The following IMMT variants were observed in gnomAD, a reference collection of about 807,000 sequenced individuals.
IMMT encodes the protein MICOS complex subunit MIC60.
IMMT carries 40 observed loss-of-function variants against 92.7 expected under a neutral mutation model. That is an observed-to-expected ratio of 0.43 (90% confidence interval 0.34 to 0.56). The LOEUF (loss-of-function observed/expected upper bound fraction) is 0.56. IMMT is among the 20% of genes least tolerant of loss of function. IMMT has a pLI of 0.03. For missense variants in IMMT, 831 were observed against 912.1 expected (o/e 0.91, Z 1.14); for synonymous variants, 322 against 336.1 (o/e 0.96, Z 0.46).
chr2:86,162,655 C>T (rs1676381022), intron 7 of IMMT, among the ~76,000 whole-genome samples: 2 of 152,002 alleles, frequency 1.3e-5, no homozygotes, highest in Admixed American at 1.3e-4. Context: ...ACCATCCTGG[C>T]TAACATGGTG....
chr2:86,147,966 T>TA (rs1675154892), intron 12 of IMMT, 133 bp from the exon 13 acceptor site: 1 of 747,582 alleles, frequency 1.3e-6, no homozygotes. Context: ...CAGGCATGTG[T>TA]ACACTTCTAC....
chr2:86,170,252 T>C (rs930953706), intron 6 of IMMT, among the ~76,000 whole-genome samples: 1 of 152,108 alleles, frequency 6.6e-6, no homozygotes, highest in Non-Finnish European at 1.5e-5. Flanking sequence ...CCTGTGTCTA[T>C]AAAAAATTTT....
chr2:86,161,009 G>A (rs574585401), intron 8 of IMMT, among the ~76,000 whole-genome samples: 2 of 151,766 alleles, frequency 1.3e-5, no homozygotes, highest in Admixed American at 1.3e-4. Context: ...GAGGCAGGAG[G>A]ATGGCTTGAG....
intron 1 of IMMT, among the ~76,000 whole-genome samples, chr2:86,182,826 G>A (rs1672521702): frequency 6.6e-6 from 1 of 151,336 alleles, no homozygotes; most frequent in African/African-American, 2.4e-5. Context: ...ACTCCAGCCT[G>A]GGCAATAGAA....
In IMMT at chr2:86,170,795, T is replaced by A; in HGVS notation, c.609A>T (p.Ala203=). The A allele has an allele frequency of 6.3e-7, 1 of 1,591,170 alleles. No individual in the cohort carries two copies. Among genetic ancestry groups the A allele is most frequent in the Non-Finnish European group, 8.6e-7 (1 of 1,167,240 alleles). ...SIRERPPEEV[A]ARLAQQEKQE... is the part of the protein sequence containing the mutation. ...GTTTTTCCTGTTGTGCAAGGCGAGC[T>A]GCAACTTCTTCAGGTGGTCGCTCCC... Residue 203 remains alanine (A), a synonymous_variant, in exon 6 of 15, where the codon GCA becomes GCT. Transcript: ENST00000410111.
chr2:86,170,312 A>G (rs1676993793), intron 6 of IMMT, among the ~76,000 whole-genome samples: 1 of 152,092 alleles, frequency 6.6e-6, no homozygotes, highest in Admixed American at 6.6e-5. Flanking sequence ...CCAGCTACAG[A>G]GGAGGCTGAG....
chr2:86,190,390 A>G (rs1673043035), intron 1 of IMMT, among the ~76,000 whole-genome samples: 1 of 152,234 alleles, frequency 6.6e-6, no homozygotes, highest in Non-Finnish European at 1.5e-5. Flanking sequence ...CAAGAATAAT[A>G]ATGTTTCTTC....
At chr2:86,173,411 C>T (rs2105280261) in intron 4 of IMMT, 1 of 378,572 alleles carries the variant, frequency 2.6e-6, no homozygotes, top group Admixed American at 4.4e-5. Context: ...AGAAACTCCG[C>T]CTCTACTAAA....
At chr2:86,179,112 A>C (rs1158675492) in intron 3 of IMMT, among the ~76,000 whole-genome samples, 2 of 152,204 alleles carry the variant, frequency 1.3e-5, no homozygotes, top group Non-Finnish European at 2.9e-5. Flanking sequence ...ATCTGTACTA[A>C]ACATGGACAG....
In IMMT at chr2:86,144,298, T is replaced by A. The variant is rs1209529600; in HGVS notation, c.2247A>T (p.Gly749=). The A allele has an allele frequency of 6.2e-7, 1 of 1,613,964 alleles. No individual in the cohort carries two copies. The change falls in exon 15 of 15, where the codon GGA becomes GGT. Residue 749 remains glycine, a synonymous_variant. Coordinates refer to ENST00000410111, the MANE Select transcript of IMMT (RefSeq NM_006839.3). ...CTGGCTGCACCTGAGTGGTTCCTAT[T>A]CCTACGGCGCTGGCATATGCTGTCA... ...EILTAYASAV[G]IGTTQVQPE
chr2:86,171,044 T>C (rs952623605), intron 5 of IMMT, among the ~76,000 whole-genome samples, 164 bp downstream of exon 5: 3 of 152,226 alleles, frequency 2.0e-5, no homozygotes, highest in Non-Finnish European at 4.4e-5. Flanking sequence ...TCTTCTTGTT[T>C]AAAAAGATAC....
intron 3 of IMMT, among the ~76,000 whole-genome samples, chr2:86,178,118 A>G (rs1178890726): frequency 6.6e-6 from 1 of 151,856 alleles, no homozygotes; most frequent in African/African-American, 2.4e-5. Flanking sequence ...GATCGAGATC[A>G]TCCTGGCTAA....
intron 10 of IMMT, 29 bp downstream of exon 10, chr2:86,158,563 A>C: frequency 6.4e-7 from 1 of 1,556,200 alleles, no homozygotes; most frequent in Non-Finnish European, 8.7e-7. Flanking sequence ...AAAACATCAA[A>C]AAAAAAACAT....
chr2:86,147,618 T>G, intron 13 of IMMT, 84 bp downstream of exon 13: 1 of 1,350,264 alleles, frequency 7.4e-7, no homozygotes, highest in Non-Finnish European at 1.0e-6. Flanking sequence ...ATCTTCGACA[T>G]CCTCAGAGTA....
chr2:86,192,992 T>C (rs569539218), intron 1 of IMMT: 1 of 154,108 alleles, frequency 6.5e-6, no homozygotes, highest in Non-Finnish European at 1.5e-5. Flanking sequence ...CCAAAGAGCA[T>C]GACCTCATGT....
At chr2:86,161,901 C>T (rs1224936557) in intron 8 of IMMT, 75 bp downstream of exon 8, 1 of 873,952 alleles carries the variant, frequency 1.1e-6, no homozygotes, top group Non-Finnish European at 1.9e-6. Flanking sequence ...TCTATACAGA[C>T]AATACAAAGA....
intron 4 of IMMT, among the ~76,000 whole-genome samples, chr2:86,172,761 T>G (rs7609008): frequency 0.46 from 69,872 of 152,006 alleles, 16,615 homozygotes; most frequent in Non-Finnish European, 0.51. Context: ...TGTTTGAATA[T>G]ATCAAGCCTC....
At chr2:86,173,409 C>T (rs1677232548) in intron 4 of IMMT, 2 of 376,762 alleles carry the variant, frequency 5.3e-6, no homozygotes, top group Non-Finnish European at 9.7e-6. Context: ...GGAGAAACTC[C>T]GCCTCTACTA....
rs113321722 is a variant in IMMT at position 86,144,126 on chromosome 2, G to C, written c.*142C>G. On this transcript the variant is annotated 3_prime_UTR_variant, in exon 15 of 15. Transcript: ENST00000410111. ...GATAGCAAATGGAAAGAATATAAATGCAACAGGTGTTAACATTTAGAACAG... is the reference window on the plus strand; with the variant it reads ...GATAGCAAATGGAAAGAATATAAATCCAACAGGTGTTAACATTTAGAACAG... The C allele has an allele frequency of 1.2e-6, 1 of 836,804 alleles. No homozygotes were observed. The allele number at this position is 836,804 out of a possible 1,614,324, so 51.8% of individuals were successfully genotyped here. A position where few individuals can be genotyped will look rare whatever the true frequency, so the allele number is the denominator to read the frequency against.
Sources: gnomAD v4.1 joint callset for allele counts (sites outside exome capture counted in the v4.1 genomes callset) on GRCh38, gnomAD v4.1.1 for gene constraint, MANE v1.5 for transcripts, NCBI Gene and HGNC (gene_info 2026-07-23, HGNC 2026-07-21) for gene names.